The following WWC1 variants were observed in gnomAD, a reference collection of about 807,000 sequenced individuals.
The protein encoded by WWC1 is WW and C2 domain containing 1, also known as protein KIBRA.
WWC1 carries 55 observed loss-of-function variants against 138.4 expected under a neutral mutation model. That is an observed-to-expected ratio of 0.40 (90% CI 0.32 to 0.50). WWC1 has a LOEUF of 0.50. Among genes scored for constraint, WWC1 ranks in the 20% least tolerant of loss-of-function variants. The pLI, the probability that WWC1 is intolerant of heterozygous loss-of-function variation, is 0.72. For missense variants in WWC1, 1,226 were observed against 1,420.4 expected (o/e 0.86, Z 2.20); for synonymous variants, 524 against 564.9 (o/e 0.93, Z 1.03).
intron 9 of WWC1, among the ~76,000 whole-genome samples, chr5:168,421,264 C>G (rs887910964): frequency 2.6e-5 from 4 of 152,150 alleles, no homozygotes; most frequent in African/African-American, 9.7e-5. Context: ...AGAACTTGGT[C>G]ATACGCCCTG....
chr5:168,416,690 C>T (rs191060403), intron 9 of WWC1, among the ~76,000 whole-genome samples: 10 of 152,274 alleles, frequency 6.6e-5, no homozygotes, highest in Admixed American at 2.6e-4. Flanking sequence ...AAAAGCAATA[C>T]GCTTCTCACT....
At chr5:168,355,331 T>C in intron 1 of WWC1, among the ~76,000 whole-genome samples, 1 of 151,706 alleles carries the variant, frequency 6.6e-6, no homozygotes, top group Non-Finnish European at 1.5e-5. Context: ...TCGTCTCCAC[T>C]AAAACTACAA....
chr5:168,329,217 G>A (rs570826189), intron 1 of WWC1, among the ~76,000 whole-genome samples: 2 of 152,256 alleles, frequency 1.3e-5, no homozygotes, highest in East Asian at 3.9e-4. Flanking sequence ...CCTGAGCAGG[G>A]ACCTGTAGTT....
At chr5:168,321,336 A>G (rs1772060315) in intron 1 of WWC1, among the ~76,000 whole-genome samples, 1 of 152,140 alleles carries the variant, frequency 6.6e-6, no homozygotes, top group South Asian at 2.1e-4. Context: ...ATCCTTCTTT[A>G]AAGCCTAACC....
chr5:168,387,204 G>A (rs1778109318), intron 3 of WWC1, among the ~76,000 whole-genome samples: 1 of 152,180 alleles, frequency 6.6e-6, no homozygotes, highest in Admixed American at 6.5e-5. Context: ...TTTTCAGTGT[G>A]GGCCAGGCCA....
At chr5:168,334,976 C>T (rs970142116) in intron 1 of WWC1, among the ~76,000 whole-genome samples, 2 of 152,106 alleles carry the variant, frequency 1.3e-5, no homozygotes, top group African/African-American at 4.8e-5. Flanking sequence ...TTCACTGCAG[C>T]CTAGGAGGAG....
intron 9 of WWC1, chr5:168,415,786 A>AGT (rs1554107327): frequency 7.1e-5 from 3 of 42,022 alleles, no homozygotes; most frequent in African/African-American, 4.2e-4. Flanking sequence ...GAGATTTTCA[A>AGT]GTGTGTGTGT....
At chr5:168,408,808 C>G (rs1780009524) in intron 7 of WWC1, among the ~76,000 whole-genome samples, 155 bp downstream of exon 7, 1 of 152,104 alleles carries the variant, frequency 6.6e-6, no homozygotes, top group Non-Finnish European at 1.5e-5. Flanking sequence ...GCTCTGTTCT[C>G]TTACAGACCT....
intron 1 of WWC1, among the ~76,000 whole-genome samples, chr5:168,324,785 C>T (rs1205624520): frequency 6.6e-6 from 1 of 152,120 alleles, no homozygotes; most frequent in African/African-American, 2.4e-5. Context: ...CTGCCTGTAA[C>T]AGGTTCACTT....
chr5:168,339,841 C>CTTTCTTTCT (rs2152776048), intron 1 of WWC1, among the ~76,000 whole-genome samples: 1 of 144,730 alleles, frequency 6.9e-6, no homozygotes, highest in African/African-American at 2.7e-5. Flanking sequence ...TTTTTCTTTT[C>CTTTCTTTCT]TTTCTTTCTT....
At chr5:168,380,557 T>C (rs1373765892) in intron 2 of WWC1, among the ~76,000 whole-genome samples, 1 of 152,184 alleles carries the variant, frequency 6.6e-6, no homozygotes, top group East Asian at 1.9e-4. Flanking sequence ...AGAACTAGAA[T>C]TCTGATACAC....
Position 168,446,959 on chromosome 5 carries a change from A to G in WWC1, c.2525+2374A>G, listed in dbSNP as rs572282443. Among the ~76,000 whole-genome samples the G allele has an allele frequency of 1.4e-4, 21 of 152,340 alleles. No homozygotes were observed. The East Asian group carries it at 2.1e-3, about 15-fold the overall frequency. On this transcript the variant is annotated intron_variant, in intron 17 of 22. Transcript: ENST00000265293. ...GCATGTGCTTTAAATTCAGACAGAT[A>G]TGGATCTGGAGTCTAGCTCAGCCAA...
intron 8 of WWC1, 183 bp downstream of exon 8, chr5:168,410,178 C>A: frequency 1.6e-6 from 1 of 640,152 alleles, no homozygotes; most frequent in Non-Finnish European, 2.7e-6. Context: ...AAATGACTCA[C>A]CCAGGACACT....
At chr5:168,382,351 C>A (rs578127573) in intron 2 of WWC1, among the ~76,000 whole-genome samples, 1 of 152,320 alleles carries the variant, frequency 6.6e-6, no homozygotes, top group South Asian at 2.1e-4. Flanking sequence ...TGAGACTCAA[C>A]AACAGTTACC....
intron 3 of WWC1, among the ~76,000 whole-genome samples, chr5:168,396,884 G>T (rs1778943647): frequency 6.6e-6 from 1 of 151,896 alleles, no homozygotes; most frequent in Non-Finnish European, 1.5e-5. Flanking sequence ...GTATTAGGGT[G>T]GTAAGATATG....
At chr5:168,446,686 C>T (rs1199972857) in intron 17 of WWC1, among the ~76,000 whole-genome samples, 3 of 152,194 alleles carry the variant, frequency 2.0e-5, no homozygotes, top group Non-Finnish European at 1.5e-5. Context: ...CTTGTCTGAA[C>T]CTCATCTGAA....
intron 19 of WWC1, among the ~76,000 whole-genome samples, chr5:168,458,210 G>A (rs1012391802): frequency 6.6e-6 from 1 of 152,188 alleles, no homozygotes; most frequent in Non-Finnish European, 1.5e-5. Flanking sequence ...TTACAGCCCT[G>A]TAAGGTGAGT....
chr5:168,451,301 C>T (rs4976556), intron 17 of WWC1, among the ~76,000 whole-genome samples: 46,478 of 152,004 alleles, frequency 0.31, 8,344 homozygotes, highest in Middle Eastern at 0.45. Context: ...GGATTATAGG[C>T]GTGAGTCACT....
intron 11 of WWC1, among the ~76,000 whole-genome samples, chr5:168,427,423 A>G (rs766901201): frequency 2.0e-5 from 3 of 152,162 alleles, no homozygotes; most frequent in Non-Finnish European, 2.9e-5. Flanking sequence ...CAGTATCTCA[A>G]GGTCATGAAG....
Sources: allele counts gnomAD v4.1 joint callset (sites outside exome capture counted in the v4.1 genomes callset), GRCh38; gene constraint gnomAD v4.1.1; transcripts MANE v1.5; gene names NCBI Gene and HGNC (gene_info 2026-07-23, HGNC 2026-07-21).